The following OSBPL10 variants were observed in gnomAD, a reference collection of about 807,000 sequenced individuals.
OSBPL10 encodes oxysterol binding protein like 10.
OSBPL10 carries 49 observed loss-of-function variants against 81.7 expected under a neutral mutation model. The observed-to-expected ratio is 0.60, with a 90% CI of 0.48 to 0.76. The LOEUF (loss-of-function observed/expected upper bound fraction) is 0.76. Ranked by LOEUF, OSBPL10 falls within the 30% of genes least tolerant of loss-of-function variation. The probability of loss-of-function intolerance (pLI) is 0.00; values close to 1 mark genes in which losing one functional copy is unlikely to be tolerated. For synonymous variants in OSBPL10, 419 were observed against 383.6 expected (o/e 1.09, Z -1.08); for missense variants, 923 against 987.8 (o/e 0.93, Z 0.88).
intron 1 of OSBPL10, among the ~76,000 whole-genome samples, chr3:31,906,366 A>G (rs746869873): frequency 6.6e-6 from 1 of 152,170 alleles, no homozygotes; most frequent in Non-Finnish European, 1.5e-5. Flanking sequence ...CTTTGACATT[A>G]TATCACTCGA....
At chr3:31,912,725 A>T (rs1384189900) in intron 1 of OSBPL10, among the ~76,000 whole-genome samples, 1 of 152,170 alleles carries the variant, frequency 6.6e-6, no homozygotes, top group African/African-American at 2.4e-5. Flanking sequence ...AGAGTGATAG[A>T]ATTTCGGCAC....
intron 4 of OSBPL10, among the ~76,000 whole-genome samples, chr3:31,813,829 A>G (rs932813430): frequency 5.3e-5 from 8 of 152,134 alleles, no homozygotes; most frequent in Non-Finnish European, 1.0e-4. Context: ...GATGAAATTT[A>G]CTTCACGGGG....
chr3:31,843,038 T>C (rs538463264), intron 3 of OSBPL10, among the ~76,000 whole-genome samples: 2 of 152,364 alleles, frequency 1.3e-5, no homozygotes, highest in African/African-American at 4.8e-5. Context: ...TGTCCTGCCT[T>C]ACACCTCTCA....
At chr3:31,901,041 A>C (rs1245778890) in intron 1 of OSBPL10, among the ~76,000 whole-genome samples, 1 of 152,224 alleles carries the variant, frequency 6.6e-6, no homozygotes, top group Admixed American at 6.5e-5. Context: ...ATTTCAAAAC[A>C]AGACATTAAA....
At chr3:31,965,697 TAATA>T (rs1367308331) in intron 1 of OSBPL10, among the ~76,000 whole-genome samples, 3 of 48,916 alleles carry the variant, frequency 6.1e-5, no homozygotes, top group African/African-American at 5.5e-4. Flanking sequence ...ATAAAATATA[TAATA>T]TATTATATAA....
chr3:31,734,954 G>A (rs551577097), intron 5 of OSBPL10, among the ~76,000 whole-genome samples: 1 of 152,346 alleles, frequency 6.6e-6, no homozygotes, highest in South Asian at 2.1e-4. Context: ...AAAGTCTACA[G>A]GTATCCCAAA....
intron 4 of OSBPL10, among the ~76,000 whole-genome samples, chr3:31,782,717 G>A (rs1322858877): frequency 2.0e-5 from 3 of 152,148 alleles, no homozygotes; most frequent in Admixed American, 1.3e-4. Flanking sequence ...TCAGGAAAAT[G>A]CTAATCAAAA....
chr3:31,968,260 G>T (rs1221819881), intron 1 of OSBPL10, among the ~76,000 whole-genome samples: 1 of 150,248 alleles, frequency 6.7e-6, no homozygotes, highest in Non-Finnish European at 1.5e-5. Flanking sequence ...GTCATTTATA[G>T]AAAAAAAAAT....
chr3:31,852,368 C>T (rs912084997), intron 3 of OSBPL10, among the ~76,000 whole-genome samples: 4 of 152,088 alleles, frequency 2.6e-5, no homozygotes, highest in African/African-American at 9.7e-5. Flanking sequence ...GAACATCCTA[C>T]AATGCTCATG....
intron 2 of OSBPL10, among the ~76,000 whole-genome samples, chr3:32,024,794 A>G (rs1342619658): frequency 6.6e-6 from 1 of 152,120 alleles, no homozygotes; most frequent in Admixed American, 6.6e-5. Context: ...TCTTAATTTC[A>G]TCTTTGAATA....
intron 1 of OSBPL10, among the ~76,000 whole-genome samples, chr3:31,892,052 T>C (rs970551636): frequency 3.3e-5 from 5 of 151,868 alleles, no homozygotes; most frequent in Non-Finnish European, 5.9e-5. Context: ...CTGGCTGTGA[T>C]TGTGTGTTGT....
intron 3 of OSBPL10, among the ~76,000 whole-genome samples, chr3:31,839,977 T>C (rs937566304): frequency 4.1e-5 from 6 of 146,232 alleles, no homozygotes; most frequent in African/African-American, 1.5e-4. Context: ...TAGGTCTACA[T>C]GGAATGGATC....
At chr3:31,848,217 T>A (rs943964439) in intron 3 of OSBPL10, among the ~76,000 whole-genome samples, 31 of 152,138 alleles carry the variant, frequency 2.0e-4, no homozygotes, top group African/African-American at 7.5e-4. Context: ...CAACCCCTTG[T>A]GGTCTTAAGT....
chr3:31,883,134 AG>A (rs750430282), intron 1 of OSBPL10, among the ~76,000 whole-genome samples: 4 of 152,166 alleles, frequency 2.6e-5, no homozygotes, highest in Non-Finnish European at 5.9e-5. Context: ...TTTCAAGCTG[AG>A]GAAGGAGACT....
At chr3:31,818,864 T>C (rs568835643) in intron 4 of OSBPL10, among the ~76,000 whole-genome samples, 1 of 152,284 alleles carries the variant, frequency 6.6e-6, no homozygotes, top group African/African-American at 2.4e-5. Flanking sequence ...GAACTGGTCA[T>C]TACTGGCCTC....
At chr3:31,707,357 G>A (rs1265268220) in intron 6 of OSBPL10, 1 of 152,198 alleles carries the variant, frequency 6.6e-6, no homozygotes, top group African/African-American at 2.4e-5. Context: ...GAACTCAAGT[G>A]ACCTGCAACT....
intron 5 of OSBPL10, among the ~76,000 whole-genome samples, chr3:31,743,016 C>T (rs942681058): frequency 2.0e-5 from 3 of 147,910 alleles, no homozygotes; most frequent in East Asian, 2.0e-4. Flanking sequence ...AAGTCTTGAC[C>T]GAAAAGCTAA....
At chr3:31,994,274 C>T (rs1452610804) in intron 2 of OSBPL10, among the ~76,000 whole-genome samples, 1 of 152,084 alleles carries the variant, frequency 6.6e-6, no homozygotes. Flanking sequence ...TGTATTTGAA[C>T]GTGGGTGGAG....
chr3:31,955,181 A>G (rs1461666024), intron 1 of OSBPL10, among the ~76,000 whole-genome samples: 1 of 152,250 alleles, frequency 6.6e-6, no homozygotes, highest in Non-Finnish European at 1.5e-5. Flanking sequence ...AGGAAAGATG[A>G]CAAAATTGAA....
Sources: gnomAD v4.1 joint callset for allele counts (sites outside exome capture counted in the v4.1 genomes callset) on GRCh38, gnomAD v4.1.1 for gene constraint, MANE v1.5 for transcripts, NCBI Gene and HGNC (gene_info 2026-07-23, HGNC 2026-07-21) for gene names.